The following ZFAND3 variants were observed in gnomAD, a reference collection of about 807,000 sequenced individuals.
ZFAND3 encodes AN1-type zinc finger protein 3.
ZFAND3 carries 10 observed loss-of-function variants against 29.6 expected under a neutral mutation model. The ratio of observed to expected loss-of-function variants is 0.34; its 90% CI spans 0.21 to 0.57. The LOEUF is 0.57. Among genes scored for constraint, ZFAND3 ranks in the 20% least tolerant of loss-of-function variants. The probability of loss-of-function intolerance (pLI) is 0.86; values close to 1 mark genes in which losing one functional copy is unlikely to be tolerated. For missense variants in ZFAND3, 230 were observed against 304.5 expected (o/e 0.76, Z 1.82); for synonymous variants, 128 against 112.6 (o/e 1.14, Z -0.87).
chr6:38,035,148 T>C (rs1455827707), intron 2 of ZFAND3, among the ~76,000 whole-genome samples: 1 of 152,138 alleles, frequency 6.6e-6, no homozygotes, highest in Non-Finnish European at 1.5e-5. Context: ...ATACATGCAT[T>C]AAAGTTCTTT....
intron 4 of ZFAND3, among the ~76,000 whole-genome samples, chr6:38,104,548 A>G (rs564105061): frequency 1.4e-4 from 22 of 152,208 alleles, no homozygotes; most frequent in Admixed American, 1.1e-3. Flanking sequence ...AGCCTAAGAT[A>G]TGACTGGTGG....
intron 2 of ZFAND3, among the ~76,000 whole-genome samples, chr6:38,055,766 C>A (rs1431228605): frequency 6.6e-6 from 1 of 152,168 alleles, no homozygotes; most frequent in East Asian, 1.9e-4. Context: ...AGCACTTTAT[C>A]TTTTAGAAAT....
chr6:37,968,440 C>T (rs1029647798), intron 2 of ZFAND3, among the ~76,000 whole-genome samples: 24 of 151,172 alleles, frequency 1.6e-4, no homozygotes, highest in African/African-American at 5.8e-4. Flanking sequence ...GACCACCTGA[C>T]AGAGGATCAG....
chr6:38,021,005 T>C (rs148085338), intron 2 of ZFAND3, among the ~76,000 whole-genome samples: 29 of 152,376 alleles, frequency 1.9e-4, no homozygotes, highest in African/African-American at 6.0e-4. Context: ...TTTATACTTA[T>C]ATGAACAGAA....
chr6:37,958,594 T>A (rs1762142412), intron 2 of ZFAND3, among the ~76,000 whole-genome samples: 1 of 152,118 alleles, frequency 6.6e-6, no homozygotes, highest in African/African-American at 2.4e-5. Flanking sequence ...CTTAAGATAA[T>A]GAGCACTTGA....
At chr6:37,830,191 T>G (rs986814412) in intron 1 of ZFAND3, among the ~76,000 whole-genome samples, 11 of 151,790 alleles carry the variant, frequency 7.2e-5, no homozygotes, top group Non-Finnish European at 1.5e-4. Context: ...CAGAGATCTG[T>G]GTAATTTGGA....
intron 1 of ZFAND3, among the ~76,000 whole-genome samples, chr6:37,883,547 T>TC (rs140944062): frequency 0.087 from 10,767 of 123,410 alleles, 1,381 homozygotes; most frequent in African/African-American, 0.11. Flanking sequence ...TTTCTTTCTT[T>TC]CTTTTTTTTT....
intron 5 of ZFAND3, among the ~76,000 whole-genome samples, chr6:38,119,557 T>A (rs932574936): frequency 2.6e-5 from 4 of 152,330 alleles, no homozygotes; most frequent in African/African-American, 9.6e-5. Context: ...TGTTATGAAT[T>A]GTGATGGGCC....
At chr6:38,101,215 T>A (rs1765086108) in intron 4 of ZFAND3, among the ~76,000 whole-genome samples, 1 of 152,242 alleles carries the variant, frequency 6.6e-6, no homozygotes, top group Admixed American at 6.5e-5. Context: ...TTCCGATTTT[T>A]CAGCAGCTCA....
intron 2 of ZFAND3, among the ~76,000 whole-genome samples, chr6:38,001,983 A>G (rs759607072): frequency 3.3e-5 from 5 of 152,284 alleles, no homozygotes; most frequent in Middle Eastern, 3.4e-3. Flanking sequence ...AATTTATTGT[A>G]TTACTAGAGA....
intron 1 of ZFAND3, among the ~76,000 whole-genome samples, chr6:37,873,925 C>T (rs540501716): frequency 6.6e-6 from 1 of 152,280 alleles, no homozygotes; most frequent in South Asian, 2.1e-4. Flanking sequence ...TTTCACGTCT[C>T]AGAATAACAT....
rs887548173 is a variant in ZFAND3 at position 38,154,334 on chromosome 6, T to C, written c.*1945T>C. The C allele has an allele frequency of 8.3e-6, 8 of 961,806 alleles. No individual in the cohort carries two copies. The highest frequency in any genetic ancestry group is 8.5e-6 in the Non-Finnish European group (7 of 819,590). The allele number at this position is 961,806 out of a possible 1,614,324, so 59.6% of individuals were successfully genotyped here. A position where few individuals can be genotyped will look rare whatever the true frequency, so the allele number is the denominator to read the frequency against. ...GGGAAGGAGCCCAGGGGAGCTGGCC[T>C]GGGGGAGCGAAGCCCATGTTCGCTT... is the stretch of plus-strand genomic sequence containing the variant. On this transcript the variant is annotated 3_prime_UTR_variant, in exon 6 of 6. Transcript: ENST00000287218.
chr6:38,056,003 C>T (rs570051392), intron 2 of ZFAND3, among the ~76,000 whole-genome samples: 1 of 152,186 alleles, frequency 6.6e-6, no homozygotes, highest in East Asian at 1.9e-4. Flanking sequence ...TCTTATATAC[C>T]ATAGTAAGTC....
intron 2 of ZFAND3, among the ~76,000 whole-genome samples, chr6:38,021,560 C>G (rs141841522): frequency 1.3e-5 from 2 of 152,278 alleles, no homozygotes; most frequent in African/African-American, 4.8e-5. Flanking sequence ...AAGGTTCTCC[C>G]TTCTTCCAAT....
At chr6:37,964,054 C>G (rs1762248390) in intron 2 of ZFAND3, among the ~76,000 whole-genome samples, 1 of 152,162 alleles carries the variant, frequency 6.6e-6, no homozygotes, top group Non-Finnish European at 1.5e-5. Flanking sequence ...ATTTCTCCTT[C>G]TGTTTCATTC....
intron 5 of ZFAND3, among the ~76,000 whole-genome samples, chr6:38,146,170 C>T (rs967052352): frequency 6.8e-4 from 103 of 152,072 alleles, no homozygotes; most frequent in Admixed American, 1.1e-3. Context: ...TGTGCCCCCT[C>T]GCGATGCTGT....
chr6:37,884,368 C>T (rs1764951924), intron 1 of ZFAND3, among the ~76,000 whole-genome samples: 1 of 143,008 alleles, frequency 7.0e-6, no homozygotes, highest in Admixed American at 6.8e-5. Context: ...GTGGCGCATG[C>T]CTGTAATCCC....
chr6:38,133,551 C>T (rs1240822638), intron 5 of ZFAND3, among the ~76,000 whole-genome samples: 1 of 152,020 alleles, frequency 6.6e-6, no homozygotes, highest in African/African-American at 2.4e-5. Context: ...AGATCAAGAC[C>T]GTCCTGGCTA....
At chr6:37,857,805 C>T (rs1046488689) in intron 1 of ZFAND3, among the ~76,000 whole-genome samples, 2 of 152,162 alleles carry the variant, frequency 1.3e-5, no homozygotes, top group South Asian at 2.1e-4. Flanking sequence ...GCCAGATGAC[C>T]AGGTCCAGTG....
Sources: allele counts gnomAD v4.1 joint callset (sites outside exome capture counted in the v4.1 genomes callset), GRCh38; gene constraint gnomAD v4.1.1; transcripts MANE v1.5; gene names NCBI Gene and HGNC (gene_info 2026-07-23, HGNC 2026-07-21).